GRM1: variants seen among roughly 807,000 people sequenced by gnomAD.
GRM1 encodes the protein metabotropic glutamate receptor 1.
Under a neutral mutation model 90.9 loss-of-function variants are expected in GRM1, and 33 were observed. The ratio of observed to expected loss-of-function variants is 0.36; its 90% CI spans 0.28 to 0.49. GRM1 has a LOEUF of 0.49. GRM1 is among the 20% of genes least tolerant of loss of function. The pLI, the probability that GRM1 is intolerant of heterozygous loss-of-function variation, is 0.99. For missense variants in GRM1, 1,190 were observed against 1,534.3 expected, an observed-to-expected ratio of 0.78 and a Z score of 3.75; for synonymous variants, 700 against 613.2, an observed-to-expected ratio of 1.14 and a Z score of -2.09.
chr6:146,049,383 C>T lies in GRM1; in HGVS notation c.700+19166C>T, dbSNP rs117108002. On this transcript the variant is annotated intron_variant, in intron 1 of 7. Coordinates refer to ENST00000282753, the MANE Select transcript of GRM1 (RefSeq NM_001278064.2). ...GACCTATATAGAACTGGAGATGGGA[C>T]CCCCCTTTTCTCCTTTTCTTACACG... Among the ~76,000 whole-genome samples, 611 of 152,020 alleles carry T rather than the reference C, an allele frequency of 4.0e-3. 18 individuals carry two copies. In the East Asian group the frequency reaches 0.072, roughly 18 times the overall value.
At chr6:146,244,158 G>A (rs1036732377) in intron 2 of GRM1, among the ~76,000 whole-genome samples, 4 of 152,020 alleles carry the variant, frequency 2.6e-5, no homozygotes, top group African/African-American at 9.7e-5. Flanking sequence ...TCATCACAGG[G>A]TCCTATGGTG....
At chr6:146,259,091 G>A (rs573652866) in intron 2 of GRM1, among the ~76,000 whole-genome samples, 1 of 152,204 alleles carries the variant, frequency 6.6e-6, no homozygotes, top group East Asian at 1.9e-4. Context: ...ATTTGGACTG[G>A]TCCCATCACC....
chr6:146,035,227 T>C (rs557592406), intron 1 of GRM1, among the ~76,000 whole-genome samples: 1 of 152,104 alleles, frequency 6.6e-6, no homozygotes, highest in Admixed American at 6.6e-5. Flanking sequence ...CCTAATATTC[T>C]GTGATTACAT....
chr6:146,361,227 C>T (rs937002597), intron 5 of GRM1, among the ~76,000 whole-genome samples: 2 of 152,150 alleles, frequency 1.3e-5, no homozygotes, highest in Admixed American at 6.5e-5. Context: ...AGAGCCTACT[C>T]AAAGGGAGAG....
At chr6:146,051,497 A>G (rs1775288684) in intron 1 of GRM1, among the ~76,000 whole-genome samples, 1 of 152,128 alleles carries the variant, frequency 6.6e-6, no homozygotes, top group Admixed American at 6.5e-5. Flanking sequence ...CCTCTTAGGC[A>G]TCTAACTGCT....
chr6:146,188,441 A>G (rs1410907220), intron 2 of GRM1, among the ~76,000 whole-genome samples: 1 of 152,174 alleles, frequency 6.6e-6, no homozygotes, highest in Admixed American at 6.5e-5. Flanking sequence ...TTGCTACCTC[A>G]GTTGCCACAG....
intron 1 of GRM1, among the ~76,000 whole-genome samples, chr6:146,150,857 A>G (rs1371542792): frequency 2.0e-5 from 3 of 151,942 alleles, no homozygotes; most frequent in Non-Finnish European, 4.4e-5. Flanking sequence ...CTCCATTTCA[A>G]TCCATGTTGT....
At chr6:146,254,423 A>C (rs1308669764) in intron 2 of GRM1, among the ~76,000 whole-genome samples, 1 of 152,208 alleles carries the variant, frequency 6.6e-6, no homozygotes, top group Admixed American at 6.5e-5. Context: ...GATGCTGAGA[A>C]GGAAGAATGG....
intron 5 of GRM1, among the ~76,000 whole-genome samples, chr6:146,378,269 C>T (rs1436228164): frequency 6.6e-6 from 1 of 152,148 alleles, no homozygotes; most frequent in Non-Finnish European, 1.5e-5. Context: ...AGAAGAGGGC[C>T]ACCATCCTCC....
At chr6:146,162,718 G>C (rs1777775971) in intron 2 of GRM1, among the ~76,000 whole-genome samples, 1 of 152,046 alleles carries the variant, frequency 6.6e-6, no homozygotes, top group Non-Finnish European at 1.5e-5. Context: ...GCTGAGAATG[G>C]AATAATGAAC....
chr6:146,261,414 G>A (rs1384489704), intron 2 of GRM1, among the ~76,000 whole-genome samples: 1 of 152,046 alleles, frequency 6.6e-6, no homozygotes, highest in Non-Finnish European at 1.5e-5. Context: ...GTGAAGGGAA[G>A]GAACTGTTTA....
intron 2 of GRM1, among the ~76,000 whole-genome samples, chr6:146,282,121 G>C (rs1016601): frequency 0.38 from 57,400 of 151,442 alleles, 14,975 homozygotes; most frequent in African/African-American, 0.75. Flanking sequence ...TGGTGCCTTT[G>C]TGTACCTTTA....
intron 3 of GRM1, among the ~76,000 whole-genome samples, chr6:146,333,355 C>CT (rs573090459): frequency 4.6e-5 from 7 of 151,510 alleles, no homozygotes; most frequent in African/African-American, 1.2e-4. Flanking sequence ...GGTGTTGATT[C>CT]TTTTTTTTTC....
At chr6:146,332,509 C>T (rs973568703) in intron 3 of GRM1, among the ~76,000 whole-genome samples, 4 of 152,184 alleles carry the variant, frequency 2.6e-5, no homozygotes, top group East Asian at 1.9e-4. Flanking sequence ...GACGCAGTCC[C>T]TCCTGTGCTT....
At chr6:146,348,384 C>G (rs1785257207) in intron 3 of GRM1, among the ~76,000 whole-genome samples, 1 of 152,228 alleles carries the variant, frequency 6.6e-6, no homozygotes, top group African/African-American at 2.4e-5. Flanking sequence ...AGCCACATGA[C>G]TTTCCAACTT....
intron 7 of GRM1, among the ~76,000 whole-genome samples, chr6:146,416,323 AAAT>A (rs1285747654): frequency 6.6e-6 from 1 of 152,022 alleles, no homozygotes; most frequent in East Asian, 1.9e-4. Flanking sequence ...ATATTTATCA[AAAT>A]AATAATCACT....
chr6:146,185,167 C>T (rs1427397134), intron 2 of GRM1, among the ~76,000 whole-genome samples: 4 of 152,192 alleles, frequency 2.6e-5, no homozygotes, highest in African/African-American at 9.6e-5. Context: ...AGCCTTAATA[C>T]CAGGTCTGAA....
chr6:146,242,875 C>T (rs1403277865), intron 2 of GRM1, among the ~76,000 whole-genome samples: 2 of 152,090 alleles, frequency 1.3e-5, no homozygotes, highest in African/African-American at 4.8e-5. Context: ...ATAGAAATTG[C>T]TTAACATAGG....
In GRM1 at chr6:146,029,616, G is replaced by C. The variant is rs745816913; in HGVS notation, c.99G>C (p.Ser33=). Residue 33 remains serine, a synonymous_variant, in exon 1 of 8, where the codon TCG becomes TCC. Coordinates refer to ENST00000282753, the MANE Select transcript of GRM1 (RefSeq NM_001278064.2). The part of the protein sequence containing the change: ...PGRKVLLAGA[S]SQRSVARMDG... The stretch of plus-strand genomic sequence containing the variant: ...GGAAAGTGTTGCTGGCAGGAGCGTC[G>C]TCTCAGCGCTCGGTGGCCAGAATGG... The C allele has an allele frequency of 3.3e-5, 53 of 1,613,998 alleles. No individual in the cohort carries two copies. The highest frequency in any genetic ancestry group is 4.1e-5 in the Non-Finnish European group (48 of 1,180,012).
Sources: allele counts gnomAD v4.1 joint callset (sites outside exome capture counted in the v4.1 genomes callset), GRCh38; gene constraint gnomAD v4.1.1; transcripts MANE v1.5; gene names NCBI Gene and HGNC (gene_info 2026-07-23, HGNC 2026-07-21).